Variants in PPP1R12B observed in about 807,000 individuals in gnomAD.
PPP1R12B encodes myosin phosphatase target subunit 2.
PPP1R12B carries 76 observed loss-of-function variants against 126.1 expected under a neutral mutation model. The observed-to-expected ratio is 0.60, with a 90% CI of 0.50 to 0.73. The LOEUF (loss-of-function observed/expected upper bound fraction) is 0.73, where lower values mean the gene tolerates loss of function less well. PPP1R12B is among the 30% of genes least tolerant of loss of function. The pLI is 0.00. For missense variants in PPP1R12B, 1,052 were observed against 1,205.1 expected (o/e 0.87, Z 1.88); for synonymous variants, 356 against 434.7 (o/e 0.82, Z 2.25).
chr1:202,532,023 A>G (rs569711944), intron 18 of PPP1R12B, among the ~76,000 whole-genome samples: 181 of 152,314 alleles, frequency 1.2e-3, no homozygotes, highest in Middle Eastern at 3.4e-3. Flanking sequence ...TGCTGGTTTT[A>G]TGGTTACTTC....
At chr1:202,579,110 T>C (rs191055062) in intron 23 of PPP1R12B, among the ~76,000 whole-genome samples, 16 of 152,350 alleles carry the variant, frequency 1.1e-4, no homozygotes, top group African/African-American at 3.1e-4. Flanking sequence ...ATTATAGATA[T>C]TCAGTAATTT....
At chr1:202,359,849 G>A (rs1393238359) in intron 1 of PPP1R12B, among the ~76,000 whole-genome samples, 1 of 152,100 alleles carries the variant, frequency 6.6e-6, no homozygotes, top group Non-Finnish European at 1.5e-5. Flanking sequence ...ACACCTAAAA[G>A]TCAAAATCTT....
chr1:202,535,615 C>A (rs1230618840), intron 18 of PPP1R12B, among the ~76,000 whole-genome samples: 1 of 152,146 alleles, frequency 6.6e-6, no homozygotes, highest in Non-Finnish European at 1.5e-5. Flanking sequence ...TATAACAACG[C>A]CCTAAAGTTT....
intron 18 of PPP1R12B, among the ~76,000 whole-genome samples, chr1:202,528,352 A>G (rs576086410): frequency 6.6e-6 from 1 of 152,346 alleles, no homozygotes; most frequent in Admixed American, 6.5e-5. Flanking sequence ...CTCAAAGAGA[A>G]CAATTTGTGG....
intron 23 of PPP1R12B, among the ~76,000 whole-genome samples, chr1:202,571,228 TTC>T (rs1484033352): frequency 1.3e-5 from 2 of 152,254 alleles, no homozygotes; most frequent in South Asian, 2.1e-4. Flanking sequence ...CTTACATTTT[TTC>T]TCTGTCTCTT....
intron 1 of PPP1R12B, chr1:202,369,596 A>G (rs1353430649): frequency 1.6e-5 from 3 of 189,586 alleles, no homozygotes; most frequent in Admixed American, 5.2e-5. Context: ...AGTGCTGACA[A>G]TGGTCATTTT....
intron 1 of PPP1R12B, among the ~76,000 whole-genome samples, chr1:202,376,536 G>A (rs987421220): frequency 4.6e-5 from 7 of 152,170 alleles, no homozygotes; most frequent in Non-Finnish European, 8.8e-5. Flanking sequence ...AGAAACGTGA[G>A]TGGTAGTAAG....
At chr1:202,366,697 A>T (rs935998471) in intron 1 of PPP1R12B, among the ~76,000 whole-genome samples, 15 of 152,180 alleles carry the variant, frequency 9.9e-5, no homozygotes, top group African/African-American at 3.6e-4. Flanking sequence ...AGATGTATTA[A>T]TAATGATGAT....
At chr1:202,391,397 G>A (rs1664140081) in intron 1 of PPP1R12B, among the ~76,000 whole-genome samples, 5 of 152,122 alleles carry the variant, frequency 3.3e-5, no homozygotes. Flanking sequence ...TGGTGAGGGT[G>A]TGGTGAAATT....
intron 1 of PPP1R12B, among the ~76,000 whole-genome samples, chr1:202,392,527 TC>T (rs1664294972): frequency 6.6e-6 from 1 of 151,416 alleles, no homozygotes; most frequent in Non-Finnish European, 1.5e-5. Context: ...CTTTTTTTTT[TC>T]TTTTTTTTTT....
At chr1:202,447,781 A>AT (rs1558240225) in intron 12 of PPP1R12B, among the ~76,000 whole-genome samples, 1 of 152,180 alleles carries the variant, frequency 6.6e-6, no homozygotes, top group Non-Finnish European at 1.5e-5. Flanking sequence ...GTTAAGTGTA[A>AT]TTTTTTATAG....
At chr1:202,448,756 C>T (rs1169560094) in intron 12 of PPP1R12B, among the ~76,000 whole-genome samples, 1 of 152,196 alleles carries the variant, frequency 6.6e-6, no homozygotes, top group African/African-American at 2.4e-5. Flanking sequence ...CTCAGGCACA[C>T]ACATACACAT....
chr1:202,506,247 C>T (rs1680794129), intron 18 of PPP1R12B, among the ~76,000 whole-genome samples: 1 of 152,218 alleles, frequency 6.6e-6, no homozygotes, highest in Admixed American at 6.5e-5. Flanking sequence ...TCTTGCTTTG[C>T]AACTATAGTT....
chr1:202,351,919 C>G (rs779078369), intron 1 of PPP1R12B, among the ~76,000 whole-genome samples: 3 of 152,176 alleles, frequency 2.0e-5, no homozygotes, highest in Non-Finnish European at 2.9e-5. Context: ...TCTTGGCAGC[C>G]TTTGCTGAGA....
At chr1:202,492,779 G>A (rs1260133462) in intron 14 of PPP1R12B, among the ~76,000 whole-genome samples, 1 of 151,948 alleles carries the variant, frequency 6.6e-6, no homozygotes, top group African/African-American at 2.4e-5. Flanking sequence ...ATCTTGGGAG[G>A]GTAGGGACCT....
At chr1:202,497,744 A>T (rs931721064) in intron 18 of PPP1R12B, among the ~76,000 whole-genome samples, 3 of 152,202 alleles carry the variant, frequency 2.0e-5, no homozygotes, top group African/African-American at 7.2e-5. Context: ...CTACTTCATA[A>T]AGGCAAGCTA....
rs141121794 is a variant in PPP1R12B at position 202,359,103 on chromosome 1, A to T, written c.291+9961A>T. 4.6e-5 allele frequency among the ~76,000 whole-genome samples: 7 copies of T among 152,272 alleles called. No homozygotes were observed. In the East Asian group the frequency reaches 1.4e-3, roughly 29 times the overall value. On this transcript the variant is annotated intron_variant, in intron 1 of 23. Coordinates refer to ENST00000608999, the MANE Select transcript of PPP1R12B (RefSeq NM_002481.4). ...GTTTCATTTATAGATCCTCATCTCC[A>T]GTATACTGGATTATTTTATAGCCAA... is the stretch of plus-strand genomic sequence containing the variant.
intron 18 of PPP1R12B, among the ~76,000 whole-genome samples, chr1:202,497,778 A>C (rs911539718): frequency 6.6e-6 from 1 of 152,174 alleles, no homozygotes; most frequent in African/African-American, 2.4e-5. Flanking sequence ...TAGTATATAG[A>C]GGTTCCTTGG....
chr1:202,438,789 A>G (rs765917132), intron 10 of PPP1R12B: 141 of 773,310 alleles, frequency 1.8e-4, no homozygotes, highest in Non-Finnish European at 3.0e-4. Flanking sequence ...CTGTGACGTC[A>G]TCCAGGCCCT....
Sources: allele counts gnomAD v4.1 joint callset (sites outside exome capture counted in the v4.1 genomes callset), GRCh38; gene constraint gnomAD v4.1.1; transcripts MANE v1.5; gene names NCBI Gene and HGNC (gene_info 2026-07-23, HGNC 2026-07-21).